TYW1B: variants seen among roughly 807,000 people sequenced by gnomAD.
TYW1B encodes S-adenosyl-L-methionine-dependent tRNA 4-demethylwyosine synthase TYW1B.
In TYW1B, 73 loss-of-function variants were observed where a neutral mutation model predicts 86.9. The ratio of observed to expected loss-of-function variants is 0.84; its 90% confidence interval spans 0.70 to 1.02. TYW1B has a LOEUF of 1.02. Among genes scored for constraint, TYW1B ranks in the 50% least tolerant of loss-of-function variants. The pLI, the probability that TYW1B is intolerant of heterozygous loss-of-function variation, is 0.00. For synonymous variants in TYW1B, 248 were observed against 292.8 expected, an observed-to-expected ratio of 0.85 and a Z score of 1.56; for missense variants, 637 against 827.4, an observed-to-expected ratio of 0.77 and a Z score of 2.82.
At chr7:72,715,846 AG>A (rs1254778581) in intron 9 of TYW1B, among the ~76,000 whole-genome samples, 1 of 152,138 alleles carries the variant, frequency 6.6e-6, no homozygotes, top group Non-Finnish European at 1.5e-5. Flanking sequence ...TCTGCAGGAT[AG>A]GGGTTCCTCA....
intron 10 of TYW1B, among the ~76,000 whole-genome samples, chr7:72,706,112 G>A (rs1420496381): frequency 2.0e-5 from 3 of 152,108 alleles, no homozygotes; most frequent in Non-Finnish European, 4.4e-5. Context: ...ATCAAAATGC[G>A]GATTGCATAT....
intron 9 of TYW1B, among the ~76,000 whole-genome samples, chr7:72,714,595 C>T (rs1293484216): frequency 6.6e-6 from 1 of 151,834 alleles, no homozygotes; most frequent in African/African-American, 2.4e-5. Flanking sequence ...TGCACTCCAG[C>T]CTGGATGACA....
At chr7:72,771,886 A>G (rs1787874885) in intron 7 of TYW1B, among the ~76,000 whole-genome samples, 1 of 151,378 alleles carries the variant, frequency 6.6e-6, no homozygotes, top group Non-Finnish European at 1.5e-5. Flanking sequence ...CCGCTCTGTC[A>G]CCCAGGCTGG....
In TYW1B at chr7:72,777,377, G is replaced by A. The variant is rs782417887; in HGVS notation, c.964+39C>T. On this transcript the variant is annotated intron_variant, in intron 7 of 13. Coordinates refer to ENST00000620995, the MANE Select transcript of TYW1B (RefSeq NM_001145440.3). Reference sequence around the variant, plus strand: ...CTAGGTATCAAATGAGAATGCCTAAGACTATAGTCATATAACAACAATTCT... The same window carrying A: ...CTAGGTATCAAATGAGAATGCCTAAAACTATAGTCATATAACAACAATTCT... 40 of 1,610,088 alleles carry A rather than the reference G, an allele frequency of 2.5e-5. No individual in the cohort carries two copies. In the East Asian group the frequency reaches 8.2e-4, roughly 33 times the overall value.
intron 11 of TYW1B, among the ~76,000 whole-genome samples, chr7:72,648,571 T>G (rs1433841177): frequency 6.6e-6 from 1 of 150,466 alleles, no homozygotes; most frequent in Non-Finnish European, 1.5e-5. Flanking sequence ...AAAATTCTCC[T>G]GCTTAAAGAT....
intron 11 of TYW1B, among the ~76,000 whole-genome samples, chr7:72,680,383 C>T (rs564791810): frequency 6.6e-6 from 1 of 152,226 alleles, no homozygotes; most frequent in South Asian, 2.1e-4. Context: ...GCTGAGTCTT[C>T]TGGCCTTCAT....
At chr7:72,676,761 C>T (rs1489562278) in intron 11 of TYW1B, among the ~76,000 whole-genome samples, 1 of 152,092 alleles carries the variant, frequency 6.6e-6, no homozygotes, top group East Asian at 1.9e-4. Flanking sequence ...GAGTTCAAGA[C>T]CAGCCTGGCC....
At chr7:72,766,595 C>G (rs1253636335) in intron 7 of TYW1B, among the ~76,000 whole-genome samples, 1 of 106,666 alleles carries the variant, frequency 9.4e-6, no homozygotes, top group Non-Finnish European at 1.7e-5. Flanking sequence ...GCCTGGGCAA[C>G]AGAGTGAGAT....
chr7:72,589,254 G>T (rs1242229728), intron 13 of TYW1B, among the ~76,000 whole-genome samples: 9 of 152,182 alleles, frequency 5.9e-5, no homozygotes, highest in South Asian at 4.1e-4. Flanking sequence ...AAATGTTACT[G>T]GTTGCTGAAT....
At chr7:72,663,494 C>G (rs1280831632) in intron 11 of TYW1B, among the ~76,000 whole-genome samples, 17 of 151,954 alleles carry the variant, frequency 1.1e-4, no homozygotes, top group Non-Finnish European at 2.2e-4. Context: ...CACGGTGGCT[C>G]CCACCTGTAA....
chr7:72,815,134 T>C (rs1788698089), intron 3 of TYW1B, among the ~76,000 whole-genome samples: 1 of 150,152 alleles, frequency 6.7e-6, no homozygotes, highest in Admixed American at 6.6e-5. Context: ...CCAAGCTTTC[T>C]CACCTCTAGT....
At chr7:72,684,178 C>G (rs536348787) in intron 11 of TYW1B, among the ~76,000 whole-genome samples, 1 of 152,118 alleles carries the variant, frequency 6.6e-6, no homozygotes, top group African/African-American at 2.4e-5. Context: ...CAAATAATGA[C>G]TCAGGATTTC....
rs1788513408 is a variant in TYW1B at position 72,807,222 on chromosome 7, C to T, written c.567G>A (p.Lys189=). Residue 189 remains lysine (K), a synonymous_variant, in exon 5 of 14, where the codon AAG becomes AAA. Transcript: ENST00000620995. ...GAAGTGCCTGCAGCTGGGAGATGAACTTGGTCTTCCATGCTCTGAAGTTGG... is the reference window on the plus strand; with the variant it reads ...GAAGTGCCTGCAGCTGGGAGATGAATTTGGTCTTCCATGCTCTGAAGTTGG... ...IEANFRAWKT[K]FISQLQALQK... is the part of the protein sequence containing the mutation. 1 of 1,614,150 alleles carries T rather than the reference C, an allele frequency of 6.2e-7. No homozygotes were observed. The highest frequency in any genetic ancestry group is 8.5e-7 in the Non-Finnish European group (1 of 1,180,024).
At chr7:72,703,022 ATATATTTT>A (rs1814521860) in intron 10 of TYW1B, among the ~76,000 whole-genome samples, 6 of 7,158 alleles carry the variant, frequency 8.4e-4, no homozygotes, top group Admixed American at 4.0e-3. Flanking sequence ...ATATATATAT[ATATATTTT>A]TTTTTTTTTT....
chr7:72,623,352 C>T (rs1221894045), intron 12 of TYW1B, among the ~76,000 whole-genome samples: 1 of 151,998 alleles, frequency 6.6e-6, no homozygotes, highest in Admixed American at 6.6e-5. Flanking sequence ...ATTGATTTCA[C>T]ATCTTGGGGG....
At chr7:72,820,207 G>A (rs13438280) in intron 2 of TYW1B, among the ~76,000 whole-genome samples, 2 of 152,094 alleles carry the variant, frequency 1.3e-5, no homozygotes, top group Admixed American at 6.6e-5. Flanking sequence ...CCCAGGAGGC[G>A]AAGGTTGCAG....
chr7:72,690,945 G>A (rs1372722368), intron 11 of TYW1B, among the ~76,000 whole-genome samples: 1 of 152,012 alleles, frequency 6.6e-6, no homozygotes, highest in Non-Finnish European at 1.5e-5. Context: ...TAGAGACGGG[G>A]TTTCACCATA....
chr7:72,822,376 C>G (rs1215770239), intron 2 of TYW1B, among the ~76,000 whole-genome samples: 5 of 149,858 alleles, frequency 3.3e-5, no homozygotes, highest in Non-Finnish European at 7.4e-5. Flanking sequence ...AAAATGCATA[C>G]AAATCGTCAA....
rs1168994861 is a variant in TYW1B, at chr7:72,801,827, C to CTAAGTG, written c.846+572_846+573insCACTTA. The stretch of plus-strand genomic sequence containing the variant: ...ACAGACCAGGCTGCCATCCTTAAGC[C>CTAAGTG]CCAACACCACTTAGTCTATACAGCA... On this transcript the variant is annotated intron_variant, in intron 6 of 13. Coordinates refer to ENST00000620995, the MANE Select transcript of TYW1B (RefSeq NM_001145440.3). Among the ~76,000 whole-genome samples the CTAAGTG allele has an allele frequency of 2.0e-5, 3 of 152,148 alleles. No individual in the cohort carries two copies. In the East Asian group the frequency reaches 5.8e-4, roughly 29 times the overall value.
Sources: allele counts gnomAD v4.1 joint callset (sites outside exome capture counted in the v4.1 genomes callset), GRCh38; gene constraint gnomAD v4.1.1; transcripts MANE v1.5; gene names NCBI Gene and HGNC (gene_info 2026-07-23, HGNC 2026-07-21).